TCF25: variants seen among roughly 807,000 people sequenced by gnomAD.
The protein encoded by TCF25 is TCF25 ribosome quality control complex subunit.
A neutral mutation model predicts 83.1 loss-of-function variants in TCF25; 41 were observed. The observed-to-expected ratio is 0.49, with a 90% CI of 0.38 to 0.64. The LOEUF (loss-of-function observed/expected upper bound fraction) is 0.64. Ranked by LOEUF, TCF25 falls within the 30% of genes least tolerant of loss-of-function variation. The probability of loss-of-function intolerance (pLI) is 0.00; values close to 1 mark genes in which losing one functional copy is unlikely to be tolerated. For missense variants in TCF25, 979 were observed against 914.5 expected (o/e 1.07, Z -0.91); for synonymous variants, 458 against 365.0 (o/e 1.25, Z -2.90).
At chr16:89,898,052 C>T (rs970973649) in intron 9 of TCF25, among the ~76,000 whole-genome samples, 7 of 151,278 alleles carry the variant, frequency 4.6e-5, no homozygotes, top group South Asian at 4.2e-4. Flanking sequence ...TGCAATGAGC[C>T]GAGCCGAGAT....
chr16:89,898,468 CG>C (rs2044058389), intron 9 of TCF25, 88 bp from the exon 10 acceptor site: 1 of 1,286,904 alleles, frequency 7.8e-7, no homozygotes, highest in Admixed American at 1.7e-5. Context: ...GAGCAGAGGG[CG>C]GGGTGGAGTG....
At position 89,910,672 on chromosome 16, in the gene TCF25, A is replaced by G; in HGVS notation, c.1872+9A>G. 6.2e-7 allele frequency: 1 copy of G among 1,613,150 alleles called. No individual in the cohort carries two copies. Among genetic ancestry groups the G allele is most frequent in the South Asian group, 1.1e-5 (1 of 91,080 alleles). On this transcript the variant is annotated intron_variant, in intron 17 of 17. Coordinates refer to ENST00000263346, the MANE Select transcript of TCF25 (RefSeq NM_014972.3). ...CAAACTATACCATGGAGGTAGGTTG[A>G]GCTCGTCCCAGCCCCTGCCTCCCCA...
intron 5 of TCF25, chr16:89,889,175 C>T (rs1168052561): frequency 2.5e-6 from 1 of 394,292 alleles, no homozygotes; most frequent in African/African-American, 2.1e-5. Context: ...TCGAAGTGTC[C>T]AGAAGGCTTT....
At chr16:89,904,351 C>T (rs1567734105) in intron 13 of TCF25, 146 bp downstream of exon 13, 3 of 850,342 alleles carry the variant, frequency 3.5e-6, no homozygotes, top group Admixed American at 2.2e-5. Context: ...TGTCATTTGA[C>T]ATGGGACGGC....
chr16:89,875,557 C>CT (rs1382865481), intron 1 of TCF25, among the ~76,000 whole-genome samples: 3 of 115,318 alleles, frequency 2.6e-5, no homozygotes, highest in African/African-American at 1.0e-4. Context: ...GAGTCTCGCT[C>CT]TGTCGCCCAG....
At chr16:89,910,708 G>A in intron 17 of TCF25, 45 bp downstream of exon 17, 11 of 1,593,378 alleles carry the variant, frequency 6.9e-6, no homozygotes, top group Non-Finnish European at 9.5e-6. Context: ...GTGGGTGCGG[G>A]CATATCCATT....
rs770895407 is a variant in TCF25, at chr16:89,887,669, C to G, written c.566C>G (p.Thr189Arg). 3 of 1,590,956 alleles carry G rather than the reference C, an allele frequency of 1.9e-6. No individual in the cohort carries two copies. Among genetic ancestry groups the G allele is most frequent in the Middle Eastern group, 1.7e-4 (1 of 5,960 alleles). ...YVEHRHLNPD[T>R]ELKRYFGARA... Reference sequence around the variant, plus strand: ...TTCCCCAGACACTTGAATCCAGACACAGAACTGAAAAGGTATTTTGGTGCC... The same window carrying G: ...TTCCCCAGACACTTGAATCCAGACAGAGAACTGAAAAGGTATTTTGGTGCC... Residue 189 changes from threonine to arginine, a missense_variant, in exon 5 of 18, where the codon ACA (threonine) becomes AGA (arginine). By Grantham distance (71) the Thr-to-Arg change is moderately conservative. Transcript: ENST00000263346.
At chr16:89,910,531 G>T (rs2045476560) in intron 16 of TCF25, 60 bp from the exon 17 acceptor site, 1 of 1,581,060 alleles carries the variant, frequency 6.3e-7, no homozygotes, top group Non-Finnish European at 8.7e-7. Flanking sequence ...CCGTGAGCCG[G>T]GTTGGGTCCC....
intron 12 of TCF25, 145 bp downstream of exon 12, chr16:89,900,939 C>G (rs2044272658): frequency 1.1e-6 from 1 of 949,370 alleles, no homozygotes; most frequent in Admixed American, 3.0e-5. Flanking sequence ...CAAACCTGCC[C>G]TACCAAACCT....
intron 8 of TCF25, 130 bp from the exon 9 acceptor site, chr16:89,895,860 C>T: frequency 1.3e-6 from 1 of 747,702 alleles, no homozygotes; most frequent in Non-Finnish European, 2.1e-6. Flanking sequence ...CATGTCTGCC[C>T]TCTCAGTGTC....
chr16:89,883,718 T>G, intron 2 of TCF25: 3 of 590,960 alleles, frequency 5.1e-6, no homozygotes, highest in African/African-American at 1.9e-5. Context: ...CTCCTGCATC[T>G]CAGGAGAGTC....
chr16:89,884,586 A>G lies in TCF25; in HGVS notation c.359A>G (p.His120Arg), dbSNP rs769753952. 3.7e-6 allele frequency: 6 copies of G among 1,613,768 alleles called. No homozygotes were observed. The East Asian group carries it at 6.7e-5, about 18-fold the overall frequency. Residue 120 changes from histidine (H) to arginine (R), a missense_variant, in exon 3 of 18, where the codon CAT becomes CGT. Coordinates refer to ENST00000263346, the MANE Select transcript of TCF25 (RefSeq NM_014972.3). ...AAAATGTGTTTCTATCATTAGTCTC[A>G]TGCAAGTGGCAAACTCCGGAAGAAG... Reference protein sequence around the residue: ...DTETVPSEQSHASGKLRKKKK... With the variant: ...DTETVPSEQSRASGKLRKKKK...
intron 1 of TCF25, among the ~76,000 whole-genome samples, chr16:89,879,399 C>T (rs1302886795): frequency 6.9e-6 from 1 of 145,392 alleles, no homozygotes; most frequent in Non-Finnish European, 1.5e-5. Context: ...GAGCCTGTCA[C>T]ACGTGTTGTC....
At position 89,903,018 on chromosome 16, in the gene TCF25, G is replaced by T. The variant is rs146260515; in HGVS notation, c.1382-1100G>T. ...CTCAGTCTGCTCGCTGACCCCAAAA[G>T]TTTCGTCCCCTGTGTCTAAGAAGCA... On this transcript the variant is annotated intron_variant, in intron 12 of 17. Transcript: ENST00000263346. Among the ~76,000 whole-genome samples, 1,332 of 152,318 alleles carry T rather than the reference G, an allele frequency of 8.7e-3. 34 individuals are homozygous for T. The South Asian group carries it at 0.089, about 10-fold the overall frequency.
chr16:89,880,088 C>CACAG (rs1480379934), intron 1 of TCF25, among the ~76,000 whole-genome samples: 1 of 151,622 alleles, frequency 6.6e-6, no homozygotes, highest in Non-Finnish European at 1.5e-5. Context: ...TGTCCATGTA[C>CACAG]ACAGACAGGC....
In TCF25 at chr16:89,898,852, C is replaced by T. The variant is rs1376790178; in HGVS notation, c.1201C>T (p.Arg401Cys). The T allele has an allele frequency of 8.1e-6, 13 of 1,613,742 alleles. No individual in the cohort carries two copies. Among genetic ancestry groups the T allele is most frequent in the South Asian group, 7.7e-5 (7 of 91,088 alleles). The stretch of plus-strand genomic sequence containing the variant: ...GGCCCGGAACTACGAGTACCTGATC[C>T]GCCTCTTCCAGGAGTGGGAGGTGGG... The part of the protein sequence containing the change: ...LRARNYEYLI[R>C]LFQEWEAHRN... The change falls in exon 11 of 18, where the codon CGC becomes TGC. Residue 401 changes from arginine to cysteine, a missense_variant. Transcript: ENST00000263346.
Position 89,906,224 on chromosome 16 carries a change from G to C in TCF25, c.1659G>C (p.Arg553Ser). The change falls in exon 15 of 18, where the codon AGG becomes AGC. Residue 553 changes from arginine (R) to serine (S), a missense_variant. Arg to Ser is a moderately radical substitution (Grantham distance 110). Coordinates refer to ENST00000263346, the MANE Select transcript of TCF25 (RefSeq NM_014972.3). Reference sequence around the variant, plus strand: ...AGGTGCTCTACCAGCGTGCACCCAGGAATATCCACCGCCATGTGATCCTCT... The same window carrying C: ...AGGTGCTCTACCAGCGTGCACCCAGCAATATCCACCGCCATGTGATCCTCT... Reference protein sequence around the residue: ...RRKVLYQRAPRNIHRHVILSE... With the variant: ...RRKVLYQRAPSNIHRHVILSE... The C allele has an allele frequency of 6.2e-7, 1 of 1,613,430 alleles. No homozygotes were observed. The highest frequency in any genetic ancestry group is 8.5e-7 in the Non-Finnish European group (1 of 1,179,996).
At chr16:89,877,247 A>C (rs543129410) in intron 1 of TCF25, among the ~76,000 whole-genome samples, 4 of 152,202 alleles carry the variant, frequency 2.6e-5, no homozygotes, top group African/African-American at 9.6e-5. Context: ...TCTATTGCCC[A>C]GGCTGGAGTT....
At chr16:89,887,311 A>AT (rs1428934718) in intron 4 of TCF25, among the ~76,000 whole-genome samples, 1 of 152,184 alleles carries the variant, frequency 6.6e-6, no homozygotes, top group Non-Finnish European at 1.5e-5. Context: ...CTTAAAAAAA[A>AT]AAAAGCTCCG....
Sources: gnomAD v4.1 joint callset for allele counts (sites outside exome capture counted in the v4.1 genomes callset) on GRCh38, gnomAD v4.1.1 for gene constraint, MANE v1.5 for transcripts, NCBI Gene and HGNC (gene_info 2026-07-23, HGNC 2026-07-21) for gene names.